Variants in CNTN5 observed in about 807,000 individuals in gnomAD.
The protein encoded by CNTN5 is contactin 5.
CNTN5 carries 77 observed loss-of-function variants against 129.1 expected under a neutral mutation model. That is an observed-to-expected ratio of 0.60 (90% CI 0.50 to 0.72). The LOEUF (loss-of-function observed/expected upper bound fraction) is 0.72. Among genes scored for constraint, CNTN5 ranks in the 30% least tolerant of loss-of-function variants. The pLI, the probability that CNTN5 is intolerant of heterozygous loss-of-function variation, is 0.00. For synonymous variants in CNTN5, 509 were observed against 465.6 expected (o/e 1.09, Z -1.20); for missense variants, 1,478 against 1,328.8 (o/e 1.11, Z -1.75).
intron 2 of CNTN5, among the ~76,000 whole-genome samples, chr11:99,371,770 A>G (rs1198251723): frequency 2.6e-5 from 4 of 152,186 alleles, no homozygotes; most frequent in African/African-American, 9.6e-5. Flanking sequence ...GTTTACATAC[A>G]TTTAATATAA....
At chr11:100,061,010 A>ACGAAAGAAAAG (rs761713132) in intron 9 of CNTN5, among the ~76,000 whole-genome samples, 49,734 of 151,948 alleles carry the variant, frequency 0.33, 8,634 homozygotes, top group East Asian at 0.47. Context: ...TTCCTGAAAT[A>ACGAAAGAAAAG]TGAAAGAAAA....
chr11:99,708,451 A>G (rs1333239085), intron 3 of CNTN5, among the ~76,000 whole-genome samples: 2 of 151,782 alleles, frequency 1.3e-5, no homozygotes, highest in Admixed American at 6.6e-5. Flanking sequence ...TGAAACTGGA[A>G]GATTCAAAGA....
intron 8 of CNTN5, among the ~76,000 whole-genome samples, chr11:99,972,657 G>C (rs954339075): frequency 1.3e-5 from 2 of 152,114 alleles, no homozygotes; most frequent in Non-Finnish European, 2.9e-5. Context: ...AATTTCCGAA[G>C]AGAATGAAAT....
intron 3 of CNTN5, among the ~76,000 whole-genome samples, chr11:99,631,517 ATAGAC>A (rs1951349742): frequency 6.6e-6 from 1 of 152,114 alleles, no homozygotes; most frequent in Non-Finnish European, 1.5e-5. Context: ...ACTGTTTATT[ATAGAC>A]TAAAGTTTAT....
At chr11:99,371,703 G>A (rs544014447) in intron 2 of CNTN5, among the ~76,000 whole-genome samples, 1 of 152,248 alleles carries the variant, frequency 6.6e-6, no homozygotes, top group African/African-American at 2.4e-5. Flanking sequence ...GTTTCACCTT[G>A]AGTAATTTTT....
intron 7 of CNTN5, among the ~76,000 whole-genome samples, chr11:99,944,427 G>A (rs1354601581): frequency 2.0e-5 from 3 of 152,030 alleles, no homozygotes; most frequent in Non-Finnish European, 4.4e-5. Context: ...GCAAAAGCTG[G>A]AAGCATTCTC....
intron 8 of CNTN5, among the ~76,000 whole-genome samples, chr11:99,960,108 T>C (rs1236847814): frequency 1.3e-5 from 2 of 152,226 alleles, no homozygotes; most frequent in African/African-American, 4.8e-5. Flanking sequence ...CTAGAAAATA[T>C]CTGCACGTCT....
intron 4 of CNTN5, chr11:99,844,517 GT>G (rs1452660844): frequency 4.2e-5 from 14 of 330,746 alleles, no homozygotes; most frequent in Admixed American, 9.4e-5. Flanking sequence ...AAACTTTCAG[GT>G]TTTTTAAGAT....
chr11:99,085,995 T>C (rs1304697481), intron 1 of CNTN5, among the ~76,000 whole-genome samples: 1 of 152,216 alleles, frequency 6.6e-6, no homozygotes, highest in Non-Finnish European at 1.5e-5. Flanking sequence ...CTAGGAGCAA[T>C]AGGCACACCT....
At chr11:100,118,449 A>G (rs1390784812) in intron 13 of CNTN5, among the ~76,000 whole-genome samples, 1 of 151,936 alleles carries the variant, frequency 6.6e-6, no homozygotes, top group East Asian at 1.9e-4. Context: ...TAAGAAAATG[A>G]CATTGATATA....
At chr11:99,151,974 C>T (rs778644400) in intron 1 of CNTN5, among the ~76,000 whole-genome samples, 9 of 152,028 alleles carry the variant, frequency 5.9e-5, no homozygotes, top group Non-Finnish European at 1.0e-4. Flanking sequence ...ACCTATGTAA[C>T]AAACCTGCAT....
chr11:99,796,239 C>G (rs530714697), intron 3 of CNTN5, among the ~76,000 whole-genome samples: 1 of 152,130 alleles, frequency 6.6e-6, no homozygotes. Context: ...CTGCTGGAAT[C>G]TCTGGGCACA....
intron 15 of CNTN5, among the ~76,000 whole-genome samples, chr11:100,212,623 C>T (rs886436886): frequency 3.3e-5 from 5 of 152,106 alleles, no homozygotes; most frequent in Non-Finnish European, 5.9e-5. Flanking sequence ...GTTAGCTGTA[C>T]GACCTTGGGG....
intron 13 of CNTN5, among the ~76,000 whole-genome samples, chr11:100,115,861 T>C (rs1325575070): frequency 6.6e-6 from 1 of 152,064 alleles, no homozygotes. Flanking sequence ...CTAAGAAATT[T>C]ATTCATATAT....
chr11:99,794,865 C>G (rs1357579872), intron 3 of CNTN5, among the ~76,000 whole-genome samples: 2 of 151,118 alleles, frequency 1.3e-5, no homozygotes, highest in African/African-American at 4.9e-5. Flanking sequence ...TTTTTTCTTT[C>G]ATTGAACTTT....
chr11:99,812,344 C>T (rs772602255), intron 3 of CNTN5, among the ~76,000 whole-genome samples: 1 of 151,844 alleles, frequency 6.6e-6, no homozygotes, highest in African/African-American at 2.4e-5. Flanking sequence ...TATGACAATT[C>T]GGTATTCATA....
chr11:100,199,928 C>A (rs752087862), intron 15 of CNTN5, among the ~76,000 whole-genome samples: 1 of 151,920 alleles, frequency 6.6e-6, no homozygotes, highest in Non-Finnish European at 1.5e-5. Context: ...AAAAACAAAA[C>A]CTGATATAAA....
intron 13 of CNTN5, among the ~76,000 whole-genome samples, chr11:100,144,227 T>A (rs1946781869): frequency 6.6e-6 from 1 of 152,146 alleles, no homozygotes; most frequent in South Asian, 2.1e-4. Flanking sequence ...TTATTTTATT[T>A]TTTTATTTTA....
At chr11:100,286,095 G>A (rs937039188) in intron 18 of CNTN5, among the ~76,000 whole-genome samples, 30 of 152,334 alleles carry the variant, frequency 2.0e-4, no homozygotes, top group Admixed American at 7.2e-4. Context: ...CACCTGGCTG[G>A]GAGGGTCCTA....
Sources: gnomAD v4.1 joint callset for allele counts (sites outside exome capture counted in the v4.1 genomes callset) on GRCh38, gnomAD v4.1.1 for gene constraint, MANE v1.5 for transcripts, NCBI Gene and HGNC (gene_info 2026-07-23, HGNC 2026-07-21) for gene names.